The following NLGN1 variants were observed in gnomAD, a reference collection of about 807,000 sequenced individuals.
NLGN1 encodes the protein neuroligin 1.
Under a neutral mutation model 65.5 loss-of-function variants are expected in NLGN1, and 12 were observed. The observed-to-expected ratio is 0.18, with a 90% CI of 0.12 to 0.30. The LOEUF is 0.30. Ranked by LOEUF, NLGN1 falls within the 10% of genes least tolerant of loss-of-function variation. The probability of loss-of-function intolerance (pLI) is 1.00; values close to 1 mark genes in which losing one functional copy is unlikely to be tolerated. For missense variants in NLGN1, 750 were observed against 1,007.1 expected, an observed-to-expected ratio of 0.74 and a Z score of 3.46; for synonymous variants, 350 against 359.5, an observed-to-expected ratio of 0.97 and a Z score of 0.30.
chr3:173,509,532 G>A (rs1489981890), intron 2 of NLGN1, among the ~76,000 whole-genome samples: 1 of 152,142 alleles, frequency 6.6e-6, no homozygotes, highest in African/African-American at 2.4e-5. Context: ...AGGGTCACCT[G>A]AGCTTGGGAA....
chr3:173,583,026 A>G (rs1339739911), intron 2 of NLGN1, among the ~76,000 whole-genome samples: 1 of 152,130 alleles, frequency 6.6e-6, no homozygotes, highest in Non-Finnish European at 1.5e-5. Context: ...CCAGTTATTT[A>G]TCAGGTTTCC....
At chr3:173,518,384 A>G (rs193038450) in intron 2 of NLGN1, among the ~76,000 whole-genome samples, 1 of 151,486 alleles carries the variant, frequency 6.6e-6, no homozygotes, top group African/African-American at 2.4e-5. Flanking sequence ...ATACAGAGTT[A>G]TAGATATTTA....
intron 2 of NLGN1, among the ~76,000 whole-genome samples, chr3:173,451,842 G>A (rs1410204592): frequency 6.6e-6 from 1 of 152,174 alleles, no homozygotes; most frequent in East Asian, 1.9e-4. Context: ...CTCCGTGGGC[G>A]TAGGACCCTC....
intron 2 of NLGN1, among the ~76,000 whole-genome samples, chr3:173,472,057 T>C (rs1192962940): frequency 6.6e-6 from 1 of 152,068 alleles, no homozygotes; most frequent in African/African-American, 2.4e-5. Flanking sequence ...ACAGTAGAGG[T>C]ATCATAGCAT....
intron 2 of NLGN1, among the ~76,000 whole-genome samples, chr3:173,452,644 A>G (rs760352153): frequency 1.3e-5 from 2 of 152,342 alleles, no homozygotes; most frequent in Admixed American, 1.3e-4. Flanking sequence ...ATTCCATAGT[A>G]GAGACAGAAC....
chr3:173,832,370 T>G (rs1722766762), intron 4 of NLGN1, among the ~76,000 whole-genome samples: 1 of 152,258 alleles, frequency 6.6e-6, no homozygotes, highest in African/African-American at 2.4e-5. Flanking sequence ...TGGAAAACTT[T>G]CCTTATATTA....
intron 2 of NLGN1, among the ~76,000 whole-genome samples, chr3:173,541,716 T>C (rs545766550): frequency 6.6e-6 from 1 of 152,290 alleles, no homozygotes; most frequent in East Asian, 1.9e-4. Context: ...ACATAGAAAT[T>C]ATTTTTGTAG....
At chr3:174,254,331 T>G (rs1745291895) in intron 4 of NLGN1, among the ~76,000 whole-genome samples, 3 of 117,166 alleles carry the variant, frequency 2.6e-5, no homozygotes, top group Admixed American at 1.7e-4. Context: ...TTTTTTTTTT[T>G]GTAATTTAAA....
At chr3:173,499,641 C>T (rs974228769) in intron 2 of NLGN1, among the ~76,000 whole-genome samples, 8 of 151,614 alleles carry the variant, frequency 5.3e-5, no homozygotes, top group East Asian at 3.9e-4. Flanking sequence ...TAAATTACCT[C>T]GGGCAGTGTG....
chr3:173,924,218 A>G (rs1300724348), intron 4 of NLGN1, among the ~76,000 whole-genome samples: 2 of 152,142 alleles, frequency 1.3e-5, no homozygotes, highest in African/African-American at 4.8e-5. Flanking sequence ...AAAGAGATAT[A>G]TTAACAATTT....
intron 4 of NLGN1, among the ~76,000 whole-genome samples, chr3:174,242,287 A>G (rs2152832319): frequency 6.6e-6 from 1 of 152,024 alleles, no homozygotes; most frequent in East Asian, 1.9e-4. Context: ...CCTGTTAAGA[A>G]TCAGGCCGCA....
chr3:173,831,471 C>T (rs1205819106), intron 4 of NLGN1, among the ~76,000 whole-genome samples: 1 of 152,206 alleles, frequency 6.6e-6, no homozygotes, highest in Non-Finnish European at 1.5e-5. Context: ...ACAACTACTA[C>T]AGTGGCAAGA....
intron 2 of NLGN1, among the ~76,000 whole-genome samples, chr3:173,505,847 T>C (rs1286686540): frequency 6.6e-6 from 1 of 152,110 alleles, no homozygotes; most frequent in Admixed American, 6.6e-5. Flanking sequence ...TAATAGAGGC[T>C]TTATGGGATA....
rs114467752 is a variant in NLGN1, at chr3:173,409,851, A to G, written c.-390+11364A>G. ...AAGGCCAGGAAGATCAGTTTAAACC[A>G]AGATCATTGCTAGTGAGAACAAGCC... On this transcript the variant is annotated intron_variant, in intron 1 of 6. Coordinates refer to ENST00000457714, the Ensembl canonical transcript of NLGN1. Among the ~76,000 whole-genome samples the G allele has an allele frequency of 6.9e-3, 1,044 of 152,332 alleles. 5 individuals carry two copies. Among genetic ancestry groups the G allele is most frequent in the Non-Finnish European group, 0.012 (795 of 68,038 alleles).
chr3:173,660,267 G>A (rs1459335056), intron 3 of NLGN1, among the ~76,000 whole-genome samples: 2 of 151,794 alleles, frequency 1.3e-5, no homozygotes. Flanking sequence ...TGACATCCAA[G>A]GAACACTTGT....
chr3:173,477,206 A>G (rs1377467886), intron 2 of NLGN1, among the ~76,000 whole-genome samples: 1 of 152,156 alleles, frequency 6.6e-6, no homozygotes, highest in African/African-American at 2.4e-5. Context: ...TCATTTACAT[A>G]TAGGTGGAAG....
intron 4 of NLGN1, among the ~76,000 whole-genome samples, chr3:174,170,300 A>T (rs1225878679): frequency 2.0e-5 from 3 of 151,928 alleles, no homozygotes; most frequent in East Asian, 3.9e-4. Flanking sequence ...ATAACACTTT[A>T]AAAAAATTCT....
At chr3:174,050,667 A>G (rs1734629820) in intron 4 of NLGN1, among the ~76,000 whole-genome samples, 2 of 152,060 alleles carry the variant, frequency 1.3e-5, no homozygotes, top group African/African-American at 4.8e-5. Context: ...TTGGTCTTTT[A>G]GGTCCCTTCC....
At chr3:174,022,372 A>G (rs1378398212) in intron 4 of NLGN1, among the ~76,000 whole-genome samples, 1 of 152,110 alleles carries the variant, frequency 6.6e-6, no homozygotes, top group African/African-American at 2.4e-5. Flanking sequence ...GAAGTTCCCT[A>G]TCTTGGCTCT....
Sources: allele counts gnomAD v4.1 joint callset (sites outside exome capture counted in the v4.1 genomes callset), GRCh38; gene constraint gnomAD v4.1.1; transcripts MANE v1.5; gene names NCBI Gene and HGNC (gene_info 2026-07-23, HGNC 2026-07-21).